The following TMEM192 variants were observed in gnomAD, a reference collection of about 807,000 sequenced individuals.
TMEM192 encodes the protein transmembrane protein 192.
A neutral mutation model predicts 26.7 loss-of-function variants in TMEM192; 20 were observed. That is an observed-to-expected ratio of 0.75 (90% CI 0.53 to 1.09). TMEM192 has a LOEUF of 1.09. TMEM192 is among the 50% of genes least tolerant of loss of function. TMEM192 has a pLI of 0.00. For synonymous variants in TMEM192, 124 were observed against 121.0 expected, an observed-to-expected ratio of 1.02 and a Z score of -0.16; for missense variants, 304 against 322.6, an observed-to-expected ratio of 0.94 and a Z score of 0.44.
intron 1 of TMEM192, among the ~76,000 whole-genome samples, chr4:165,106,045 T>G (rs1735152329): frequency 6.6e-6 from 1 of 152,202 alleles, no homozygotes; most frequent in Non-Finnish European, 1.5e-5. Context: ...CACCTTGATC[T>G]TGGGCTTCCT....
intron 1 of TMEM192, among the ~76,000 whole-genome samples, chr4:165,111,924 T>G (rs1004580293): frequency 5.3e-5 from 8 of 152,176 alleles, no homozygotes; most frequent in African/African-American, 1.9e-4. Context: ...GAGCAAAAAT[T>G]TTATTACTTG....
intron 3 of TMEM192, among the ~76,000 whole-genome samples, chr4:165,089,522 A>T (rs1031023879): frequency 3.3e-5 from 5 of 152,024 alleles, no homozygotes; most frequent in African/African-American, 1.2e-4. Flanking sequence ...ACAGGGTTTC[A>T]CCGTGTTAGC....
At chr4:165,092,055 C>G (rs1734777699) in intron 3 of TMEM192, among the ~76,000 whole-genome samples, 1 of 148,792 alleles carries the variant, frequency 6.7e-6, no homozygotes, top group South Asian at 2.1e-4. Context: ...ATGTCCCCAT[C>G]TAAAAAATGG....
chr4:165,104,101 C>T (rs771926759), intron 1 of TMEM192, among the ~76,000 whole-genome samples: 7 of 152,020 alleles, frequency 4.6e-5, no homozygotes, highest in East Asian at 3.9e-4. Flanking sequence ...CCAGCCTGGG[C>T]GACAGAGAGA....
intron 2 of TMEM192, 83 bp downstream of exon 2, chr4:165,102,867 A>T: frequency 7.5e-7 from 1 of 1,325,824 alleles, no homozygotes; most frequent in Admixed American, 2.4e-5. Flanking sequence ...GTTGATAGAT[A>T]CAGCACAACT....
At chr4:165,088,345 C>T (rs1734674210) in intron 4 of TMEM192, 123 bp downstream of exon 4, 1 of 838,494 alleles carries the variant, frequency 1.2e-6, no homozygotes, top group African/African-American at 1.7e-5. Flanking sequence ...TTAAAGAAGT[C>T]TGCATGTGGT....
chr4:165,071,286 G>A lies in TMEM192; in HGVS notation c.*8372C>T, dbSNP rs1734268636. On this transcript the variant is annotated 3_prime_UTR_variant, in exon 6 of 6. Coordinates refer to ENST00000306480, the MANE Select transcript of TMEM192 (RefSeq NM_001100389.2). ...CTACTCAGGAGGCTGACTGAAGTGG[G>A]AGGATTTTTTTTTTTTGGGGGGGGG... is the stretch of plus-strand genomic sequence containing the variant. The A allele has an allele frequency of 6.6e-6, 1 of 151,444 alleles. No individual in the cohort carries two copies. Among genetic ancestry groups the A allele is most frequent in the Admixed American group, 6.6e-5 (1 of 15,148 alleles). The allele number at this position is 151,444 out of a possible 1,614,324, so 9.4% of individuals were successfully genotyped here. A position where few individuals can be genotyped will look rare whatever the true frequency, so the allele number is the denominator to read the frequency against.
In TMEM192 at chr4:165,090,910, CAA is replaced by C. The variant is rs70952700; in HGVS notation, c.440-2310_440-2309del. Among the ~76,000 whole-genome samples, 15 of 51,022 alleles carry C rather than the reference CAA, an allele frequency of 2.9e-4. No individual in the cohort carries two copies. The East Asian group carries it at 4.1e-3, about 14-fold the overall frequency. The allele number at this position is 51,022 out of a possible 152,430, so 33.5% of individuals were successfully genotyped here. On this transcript the variant is annotated intron_variant, in intron 3 of 5. Coordinates refer to ENST00000306480, the MANE Select transcript of TMEM192 (RefSeq NM_001100389.2). Reference sequence around the variant, plus strand: ...TGGGCGACGGAGAGAGACTCTGTCTCAAAAAAAAAAAAAAAAAAAGGTCATAG... The same window carrying C: ...TGGGCGACGGAGAGAGACTCTGTCTCAAAAAAAAAAAAAAAAAGGTCATAG...
chr4:165,105,746 GCA>G (rs1199006105), intron 1 of TMEM192, among the ~76,000 whole-genome samples: 3 of 152,142 alleles, frequency 2.0e-5, no homozygotes, highest in Admixed American at 1.3e-4. Context: ...CCTCCCAAGT[GCA>G]CTCCCAGTGT....
intron 3 of TMEM192, among the ~76,000 whole-genome samples, chr4:165,100,045 C>A (rs936502416): frequency 5.9e-5 from 9 of 152,062 alleles, no homozygotes; most frequent in African/African-American, 2.2e-4. Flanking sequence ...GAGTAAACCA[C>A]CTGGTAACAA....
chr4:165,100,385 C>T (rs1169624690), intron 3 of TMEM192, among the ~76,000 whole-genome samples: 1 of 152,068 alleles, frequency 6.6e-6, no homozygotes, highest in Non-Finnish European at 1.5e-5. Flanking sequence ...GTCTCGATCT[C>T]CTGACCTCGT....
At chr4:165,106,936 A>G (rs568410207) in intron 1 of TMEM192, among the ~76,000 whole-genome samples, 75 of 152,180 alleles carry the variant, frequency 4.9e-4, no homozygotes, top group South Asian at 1.7e-3. Context: ...TCCTAATACG[A>G]TCCCCAAATC....
chr4:165,100,927 A>T (rs1191926697), intron 2 of TMEM192, 35 bp from the exon 3 acceptor site: 1 of 1,547,394 alleles, frequency 6.5e-7, no homozygotes, highest in East Asian at 2.3e-5. Flanking sequence ...TTAATATTCA[A>T]TATTTGTAAT....
Position 165,079,592 on chromosome 4 carries a change from T to A in TMEM192, c.*66A>T. ...AGCTGCAGTTCCCCGTGGCAGCTTG[T>A]CAGGTGGTCAGTCAGTCTCAATTAC... On this transcript the variant is annotated 3_prime_UTR_variant, in exon 6 of 6. Coordinates refer to ENST00000306480, the MANE Select transcript of TMEM192 (RefSeq NM_001100389.2). 6.6e-7 allele frequency: 1 copy of A among 1,513,122 alleles called. No homozygotes were observed. The highest frequency in any genetic ancestry group is 8.9e-7 in the Non-Finnish European group (1 of 1,124,930). 93.7% of individuals were successfully genotyped at this position (1,513,122 alleles called of 1,614,324 possible).
chr4:165,079,324 A>T lies in TMEM192; in HGVS notation c.*334T>A, dbSNP rs568164893. ...GTTAGACTTCCCCTATCCATAATGA[A>T]ATCATTACAGGGTTCTAATGTCAGG... On this transcript the variant is annotated 3_prime_UTR_variant, in exon 6 of 6. Transcript: ENST00000306480. 28 of 210,896 alleles carry T rather than the reference A, an allele frequency of 1.3e-4. No homozygotes were observed. Among genetic ancestry groups the T allele is most frequent in the Non-Finnish European group, 2.3e-4 (25 of 107,350 alleles). The allele number at this position is 210,896 out of a possible 1,614,324, so 13.1% of individuals were successfully genotyped here. A position where few individuals can be genotyped will look rare whatever the true frequency, so the allele number is the denominator to read the frequency against.
chr4:165,109,232 A>G (rs1387644112), intron 1 of TMEM192, among the ~76,000 whole-genome samples: 1 of 152,200 alleles, frequency 6.6e-6, no homozygotes, highest in Non-Finnish European at 1.5e-5. Context: ...AGACTCTTTT[A>G]TATTATGTCC....
At position 165,076,752 on chromosome 4, in the gene TMEM192, G is replaced by C. The variant is rs986430608; in HGVS notation, c.*2906C>G. On this transcript the variant is annotated 3_prime_UTR_variant, in exon 6 of 6. Transcript: ENST00000306480. ...TCAGTGCTAGCACAATTACCAGCCT[G>C]GTGAATAGAATGTTTAACATTTAAA... The C allele has an allele frequency of 1.3e-5, 2 of 152,084 alleles. No homozygotes were observed. The highest frequency in any genetic ancestry group is 4.8e-5 in the African/African-American group (2 of 41,420). The allele number at this position is 152,084 out of a possible 1,614,324, so 9.4% of individuals were successfully genotyped here. A position where few individuals can be genotyped will look rare whatever the true frequency, so the allele number is the denominator to read the frequency against.
intron 3 of TMEM192, among the ~76,000 whole-genome samples, chr4:165,094,180 C>A (rs920131757): frequency 3.3e-5 from 5 of 151,798 alleles, no homozygotes; most frequent in Admixed American, 2.0e-4. Context: ...GGATTACAGG[C>A]GTGAGCCACA....
Position 165,079,814 on chromosome 4 carries a change from A to G in TMEM192, c.678-18T>C. ...AAATAGTTCTGCAAGTAATCAAGAT[A>G]TAAATGGGTTACACATATTCACCAA... On this transcript the variant is annotated intron_variant, in intron 5 of 5. Coordinates refer to ENST00000306480, the MANE Select transcript of TMEM192 (RefSeq NM_001100389.2). 6.2e-7 allele frequency: 1 copy of G among 1,612,360 alleles called. No homozygotes were observed. Among genetic ancestry groups the G allele is most frequent in the Admixed American group, 1.7e-5 (1 of 59,722 alleles).
Sources: allele counts gnomAD v4.1 joint callset (sites outside exome capture counted in the v4.1 genomes callset), GRCh38; gene constraint gnomAD v4.1.1; transcripts MANE v1.5; gene names NCBI Gene and HGNC (gene_info 2026-07-23, HGNC 2026-07-21).